The following HS6ST3 variants were observed in gnomAD, a reference collection of about 807,000 sequenced individuals.
The protein encoded by HS6ST3 is heparan sulfate 6-O-sulfotransferase 3, also known as heparan-sulfate 6-O-sulfotransferase 3.
Under a neutral mutation model 36.7 loss-of-function variants are expected in HS6ST3, and 12 were observed. The observed-to-expected ratio is 0.33, with a 90% CI of 0.21 to 0.53. The LOEUF is 0.53. Ranked by LOEUF, HS6ST3 falls within the 20% of genes least tolerant of loss-of-function variation. The pLI is 0.95. For synonymous variants in HS6ST3, 240 were observed against 257.5 expected, an observed-to-expected ratio of 0.93 and a Z score of 0.65; for missense variants, 584 against 640.9, an observed-to-expected ratio of 0.91 and a Z score of 0.96.
chr13:96,775,464 T>A, intron 1 of HS6ST3, among the ~76,000 whole-genome samples: 1 of 144,712 alleles, frequency 6.9e-6, no homozygotes, highest in African/African-American at 2.6e-5. Context: ...ACACATAGGC[T>A]CAAAATAAAG....
intron 1 of HS6ST3, among the ~76,000 whole-genome samples, chr13:96,334,151 T>C (rs1178325586): frequency 1.3e-5 from 2 of 152,202 alleles, no homozygotes; most frequent in Admixed American, 6.5e-5. Flanking sequence ...GGGTAAAGGC[T>C]GCTTACAAAA....
intron 1 of HS6ST3, among the ~76,000 whole-genome samples, chr13:96,698,043 T>G (rs992502807): frequency 1.3e-5 from 2 of 152,096 alleles, no homozygotes; most frequent in African/African-American, 2.4e-5. Flanking sequence ...TTTTATTTAT[T>G]TATTTATTTT....
At chr13:96,816,182 G>A (rs547963556) in intron 1 of HS6ST3, among the ~76,000 whole-genome samples, 73 of 152,340 alleles carry the variant, frequency 4.8e-4, no homozygotes, top group African/African-American at 1.5e-3. Context: ...GTTTTCAATG[G>A]AAGGGTTCAA....
intron 1 of HS6ST3, among the ~76,000 whole-genome samples, chr13:96,194,481 G>T (rs1484589017): frequency 6.6e-6 from 1 of 151,854 alleles, no homozygotes; most frequent in Non-Finnish European, 1.5e-5. Context: ...CTTTATTGGA[G>T]TGTAATTGAC....
intron 1 of HS6ST3, among the ~76,000 whole-genome samples, chr13:96,285,903 C>CTT (rs2054799564): frequency 6.6e-6 from 1 of 151,000 alleles, no homozygotes; most frequent in African/African-American, 2.4e-5. Context: ...CTCTTTCCCT[C>CTT]TCTCTCTCCC....
At chr13:96,275,871 G>A (rs1208989943) in intron 1 of HS6ST3, among the ~76,000 whole-genome samples, 20 of 90,736 alleles carry the variant, frequency 2.2e-4, no homozygotes, top group Admixed American at 5.2e-4. Context: ...TTTTTTTTTT[G>A]GTGGTGGTGG....
In HS6ST3 at chr13:96,833,154, G is replaced by C; in HGVS notation, c.1372G>C (p.Gly458Arg). The stretch of plus-strand genomic sequence containing the variant: ...GCCCAAAGAAGATGGGGCTGCAGAA[G>C]GGACTGTCACCGAGGACTACAACAG... The part of the protein sequence containing the change: ...QWPKEDGAAE[G>R]TVTEDYNSQV... The change falls in exon 2 of 2, where the codon GGG becomes CGG. Residue 458 changes from glycine to arginine, a missense_variant. Gly to Arg is a moderately radical substitution (Grantham distance 125, BLOSUM62 -2). Transcript: ENST00000376705. The C allele has an allele frequency of 6.3e-7, 1 of 1,595,080 alleles. No individual in the cohort carries two copies.
intron 1 of HS6ST3, among the ~76,000 whole-genome samples, chr13:96,706,960 G>A (rs1472426600): frequency 1.3e-5 from 2 of 152,130 alleles, no homozygotes; most frequent in East Asian, 1.9e-4. Context: ...TCAAAAAAAG[G>A]AAATATATAT....
intron 1 of HS6ST3, among the ~76,000 whole-genome samples, chr13:96,494,563 C>T (rs548777392): frequency 6.6e-5 from 10 of 151,202 alleles, no homozygotes; most frequent in African/African-American, 2.4e-4. Flanking sequence ...AAAAGAACCA[C>T]GATGTACCTA....
At chr13:96,308,129 A>T (rs2054922638) in intron 1 of HS6ST3, among the ~76,000 whole-genome samples, 1 of 152,130 alleles carries the variant, frequency 6.6e-6, no homozygotes, top group South Asian at 2.1e-4. Context: ...TTCAGTCTAT[A>T]AGAAAATAGT....
At chr13:96,544,863 A>G (rs1023408994) in intron 1 of HS6ST3, among the ~76,000 whole-genome samples, 3 of 152,190 alleles carry the variant, frequency 2.0e-5, no homozygotes, top group Admixed American at 6.6e-5. Flanking sequence ...AATCTGGCTC[A>G]TTATATTATT....
chr13:96,535,279 G>T (rs181756848), intron 1 of HS6ST3, among the ~76,000 whole-genome samples: 96 of 152,116 alleles, frequency 6.3e-4, no homozygotes, highest in African/African-American at 2.1e-3. Flanking sequence ...AATCTTGGCC[G>T]GGCATGGTGG....
chr13:96,337,750 T>C (rs2055109061), intron 1 of HS6ST3, among the ~76,000 whole-genome samples: 1 of 152,112 alleles, frequency 6.6e-6, no homozygotes, highest in Non-Finnish European at 1.5e-5. Flanking sequence ...ATAATTTCTC[T>C]CCCTCTATTT....
At chr13:96,343,873 G>C (rs972544675) in intron 1 of HS6ST3, among the ~76,000 whole-genome samples, 9 of 152,134 alleles carry the variant, frequency 5.9e-5, no homozygotes, top group African/African-American at 2.2e-4. Context: ...CTCCCGAGGA[G>C]CTGGGATTAT....
At chr13:96,106,407 A>T (rs1400775168) in intron 1 of HS6ST3, among the ~76,000 whole-genome samples, 8 of 152,136 alleles carry the variant, frequency 5.3e-5, no homozygotes, top group Non-Finnish European at 8.8e-5. Context: ...TGTTCTCAGC[A>T]GCACTATAGA....
At chr13:96,708,617 T>C (rs1249702137) in intron 1 of HS6ST3, among the ~76,000 whole-genome samples, 15 of 152,184 alleles carry the variant, frequency 9.9e-5, no homozygotes, top group African/African-American at 3.4e-4. Flanking sequence ...ACTAGGTAGC[T>C]TTCATGCACA....
In HS6ST3 at chr13:96,586,378, C is replaced by A. The variant is rs145808829; in HGVS notation, c.708-246112C>A. Reference sequence around the variant, plus strand: ...TAGTGCAATCTCAGCTCACTGCAACCTGCACCTCCCAGGTTCAAGTGATTC... The same window carrying A: ...TAGTGCAATCTCAGCTCACTGCAACATGCACCTCCCAGGTTCAAGTGATTC... On this transcript the variant is annotated intron_variant, in intron 1 of 1. Coordinates refer to ENST00000376705, the MANE Select transcript of HS6ST3 (RefSeq NM_153456.4). Among the ~76,000 whole-genome samples, 1,014 of 152,186 alleles carry A rather than the reference C, an allele frequency of 6.7e-3. 14 individuals are homozygous for A. The highest frequency in any genetic ancestry group is 0.023 in the African/African-American group (974 of 41,518).
At chr13:96,203,457 G>A (rs2054353354) in intron 1 of HS6ST3, among the ~76,000 whole-genome samples, 1 of 152,142 alleles carries the variant, frequency 6.6e-6, no homozygotes, top group Admixed American at 6.5e-5. Context: ...CATGACATTG[G>A]AGATTAGCTT....
chr13:96,135,283 G>A (rs967016099), intron 1 of HS6ST3, among the ~76,000 whole-genome samples: 9 of 152,010 alleles, frequency 5.9e-5, no homozygotes, highest in African/African-American at 2.2e-4. Flanking sequence ...TATCACCGTG[G>A]ACTTTCTTTC....
Sources: gnomAD v4.1 joint callset for allele counts (sites outside exome capture counted in the v4.1 genomes callset) on GRCh38, gnomAD v4.1.1 for gene constraint, MANE v1.5 for transcripts, NCBI Gene and HGNC (gene_info 2026-07-23, HGNC 2026-07-21) for gene names.